The following RBPJ variants were observed in gnomAD, a reference collection of about 807,000 sequenced individuals.
RBPJ encodes the protein recombining binding protein suppressor of hairless.
A neutral mutation model predicts 67.8 loss-of-function variants in RBPJ; 9 were observed. The observed-to-expected ratio is 0.13, with a 90% CI of 0.08 to 0.23. The LOEUF is 0.23. Among genes scored for constraint, RBPJ ranks in the 10% least tolerant of loss-of-function variants. RBPJ has a pLI of 1.00. For synonymous variants in RBPJ, 198 were observed against 203.3 expected, an observed-to-expected ratio of 0.97 and a Z score of 0.22; for missense variants, 305 against 595.6, an observed-to-expected ratio of 0.51 and a Z score of 5.08.
chr4:26,361,590 G>A (rs1728068699), intron 1 of RBPJ, among the ~76,000 whole-genome samples: 1 of 151,932 alleles, frequency 6.6e-6, no homozygotes, highest in African/African-American at 2.4e-5. Context: ...TGGCTTGCGT[G>A]TATTAAAAAT....
chr4:26,415,412 A>G (rs1166884138), intron 3 of RBPJ, 63 bp from the exon 4 acceptor site: 10 of 1,289,400 alleles, frequency 7.8e-6, no homozygotes, highest in Non-Finnish European at 1.1e-5. Flanking sequence ...AGGAAAGGAA[A>G]TGCTTTATTG....
intron 1 of RBPJ, among the ~76,000 whole-genome samples, chr4:26,181,484 T>C (rs1716991649): frequency 6.6e-6 from 1 of 152,230 alleles, no homozygotes. Flanking sequence ...CCCCTTTCCC[T>C]TCCCTTCAGT....
At chr4:26,220,562 A>T (rs59673388) in intron 1 of RBPJ, among the ~76,000 whole-genome samples, 5,702 of 152,242 alleles carry the variant, frequency 0.037, 304 homozygotes, top group African/African-American at 0.12. Flanking sequence ...GTTGCAAAAC[A>T]GGTCTTGAAC....
At chr4:26,313,129 T>C (rs1441066589) in intron 1 of RBPJ, among the ~76,000 whole-genome samples, 3 of 152,124 alleles carry the variant, frequency 2.0e-5, no homozygotes, top group Non-Finnish European at 2.9e-5. Context: ...CACTATATTG[T>C]CCAGGCTGGT....
chr4:26,254,687 TA>T lies in RBPJ; in HGVS notation c.-167+91074del, dbSNP rs1353270807. Reference sequence around the variant, plus strand: ...GCTATATAGCATGTTTATTTTTAATTATTTTTTTAAGACAGAGTCACACCCT... The same window carrying T: ...GCTATATAGCATGTTTATTTTTAATTTTTTTTTAAGACAGAGTCACACCCT... On this transcript the variant is annotated intron_variant, in intron 1 of 4. Transcript: ENST00000512351. Among the ~76,000 whole-genome samples the T allele has an allele frequency of 2.0e-5, 3 of 147,244 alleles. 1 individual carries two copies. Among genetic ancestry groups the T allele is most frequent in the South Asian group, 2.1e-4 (1 of 4,796 alleles).
chr4:26,227,720 G>C (rs777684059), intron 1 of RBPJ, among the ~76,000 whole-genome samples: 1 of 152,220 alleles, frequency 6.6e-6, no homozygotes, highest in Non-Finnish European at 1.5e-5. Flanking sequence ...AGAATCTGCT[G>C]CTCTTGATGT....
At chr4:26,133,328 C>A in the RBPJ span, among the ~76,000 whole-genome samples, 1 of 152,206 alleles carries the variant, frequency 6.6e-6, no homozygotes, top group Non-Finnish European at 1.5e-5. Context: ...GGAATCCCAG[C>A]ACTTTGAGGT....
In RBPJ at chr4:26,264,049, G is replaced by A. The variant is rs1560235101; in HGVS notation, c.-166-98397G>A. Among the ~76,000 whole-genome samples, 1 of 151,774 alleles carries A rather than the reference G, an allele frequency of 6.6e-6. No individual in the cohort carries two copies. Among genetic ancestry groups the A allele is most frequent in the Non-Finnish European group, 1.5e-5 (1 of 67,994 alleles). On this transcript the variant is annotated intron_variant, in intron 1 of 4. Coordinates refer to the RBPJ transcript ENST00000512351. This position sits in a 1 kb window ranked among gnomAD's most constrained non-coding sequence, Gnocchi z 4.1. ...GCCACCACGTCCTGCTAATCTTTGT[G>A]TTTTTTTAGTAGAGACGGGGTTTCA...
chr4:26,429,004 C>A, intron 8 of RBPJ, 144 bp downstream of exon 8: 2 of 621,070 alleles, frequency 3.2e-6, no homozygotes, highest in Non-Finnish European at 2.8e-6. Flanking sequence ...TATGAGCATC[C>A]TTAACACACA....
rs185640831 is a variant in RBPJ, at chr4:26,171,890, G to A, written c.-167+8276G>A. ...ACCTGCCCCTGTCATCAGCAGGCTC[G>A]GGGTTTTGCATGACTACACTGTTAG... is the stretch of plus-strand genomic sequence containing the variant. On this transcript the variant is annotated intron_variant, in intron 1 of 4. Coordinates refer to the RBPJ transcript ENST00000512351. Among the ~76,000 whole-genome samples, 809 of 152,292 alleles carry A rather than the reference G, an allele frequency of 5.3e-3. 6 individuals are homozygous for A. The highest frequency in any genetic ancestry group is 0.018 in the African/African-American group (765 of 41,576).
intron 1 of RBPJ, among the ~76,000 whole-genome samples, chr4:26,358,278 C>T (rs1267976746): frequency 1.3e-5 from 2 of 151,706 alleles, no homozygotes; most frequent in Non-Finnish European, 2.9e-5. Context: ...TAGTAAGTAC[C>T]ATAATGGTCA....
chr4:26,237,179 C>A (rs1333015390), intron 1 of RBPJ, among the ~76,000 whole-genome samples: 3 of 152,118 alleles, frequency 2.0e-5, no homozygotes, highest in African/African-American at 4.8e-5. Flanking sequence ...TACCTGATCA[C>A]GAAGTCAGGA....
At chr4:26,323,902 C>T (rs1169841027) in intron 1 of RBPJ, among the ~76,000 whole-genome samples, 1 of 152,136 alleles carries the variant, frequency 6.6e-6, no homozygotes, top group Non-Finnish European at 1.5e-5. Context: ...CAGGACTTGG[C>T]TTTAAAGCAT....
intron 2 of RBPJ, among the ~76,000 whole-genome samples, chr4:26,389,259 A>G (rs897514824): frequency 6.6e-6 from 1 of 151,798 alleles, no homozygotes; most frequent in African/African-American, 2.4e-5. Context: ...TGAGTACAGA[A>G]ACCACCCAGA....
At chr4:26,319,892 G>A, upstream of RBPJ, 1 of 1,597,924 alleles carries the variant, frequency 6.3e-7, no homozygotes, top group Non-Finnish European at 8.6e-7. Context: ...GCTGCAGGTA[G>A]GAGGAGGGGG....
chr4:26,340,139 A>C (rs1725359059), intron 1 of RBPJ, among the ~76,000 whole-genome samples: 1 of 152,376 alleles, frequency 6.6e-6, no homozygotes, highest in Non-Finnish European at 1.5e-5. Context: ...ATTATGTTAG[A>C]AGGTGATGCA....
intron 1 of RBPJ, among the ~76,000 whole-genome samples, chr4:26,335,363 G>A (rs1188722917): frequency 6.6e-6 from 1 of 150,956 alleles, no homozygotes; most frequent in East Asian, 2.0e-4. Flanking sequence ...TTGTATTTTA[G>A]TAGAGACAGG....
At chr4:26,139,565 C>T in the RBPJ span, among the ~76,000 whole-genome samples, 1 of 152,260 alleles carries the variant, frequency 6.6e-6, no homozygotes, top group Non-Finnish European at 1.5e-5. Context: ...GGCCTCCCAG[C>T]AGGTGAGCCT....
chr4:26,315,469 C>T (rs1218780555), upstream of RBPJ, among the ~76,000 whole-genome samples: 9 of 151,900 alleles, frequency 5.9e-5, no homozygotes, highest in East Asian at 3.9e-4. Context: ...ATACTTCAAA[C>T]GGCAAAAAGG....
Sources: allele counts gnomAD v4.1 joint callset (sites outside exome capture counted in the v4.1 genomes callset), GRCh38; gene constraint gnomAD v4.1.1; non-coding constraint Gnocchi (gnomAD v3.1); transcripts MANE v1.5; gene names NCBI Gene and HGNC (gene_info 2026-07-23, HGNC 2026-07-21).